The following OPHN1 variants were observed in gnomAD, a reference collection of about 807,000 sequenced individuals.
The protein encoded by OPHN1 is oligophrenin-1.
Under a neutral mutation model 60.7 loss-of-function variants are expected in OPHN1, and 11 were observed. The observed-to-expected ratio is 0.18, with a 90% CI of 0.11 to 0.30. The LOEUF is 0.30. Among genes scored for constraint, OPHN1 ranks in the 10% least tolerant of loss-of-function variants. OPHN1 has a pLI of 1.00. For missense variants in OPHN1, 449 were observed against 611.0 expected (o/e 0.73, Z 2.80); for synonymous variants, 226 against 222.6 (o/e 1.02, Z -0.14).
chrX:68,139,787 A>G (rs1029659559), intron 15 of OPHN1, among the ~76,000 whole-genome samples: 2 of 112,744 alleles, frequency 1.8e-5, no homozygotes, highest in African/African-American at 3.2e-5. Context: ...CATGTTGGCT[A>G]CCTGCAGTCC....
chrX:68,218,233 A>G (rs1158026002), intron 6 of OPHN1, among the ~76,000 whole-genome samples: 1 of 107,769 alleles, frequency 9.3e-6, no homozygotes, highest in East Asian at 2.9e-4. Flanking sequence ...TAGAGAAAAA[A>G]GAATAAAAAG....
chrX:68,433,091 G>C, intron 1 of OPHN1, 67 bp from the exon 2 acceptor site: 2 of 1,044,653 alleles, frequency 1.9e-6, no homozygotes, highest in Non-Finnish European at 1.3e-6. Flanking sequence ...GCACAGTAGA[G>C]GAAGTAGAGG....
chrX:68,217,079 C>T (rs909093377), intron 6 of OPHN1, among the ~76,000 whole-genome samples: 2 of 111,464 alleles, frequency 1.8e-5, no homozygotes, highest in South Asian at 3.8e-4. Flanking sequence ...GCGCACCGTG[C>T]GCGAGCCGAA....
chrX:68,179,109 T>C (rs1426388745), intron 15 of OPHN1, among the ~76,000 whole-genome samples: 1 of 112,068 alleles, frequency 8.9e-6, no homozygotes, highest in East Asian at 2.8e-4. Flanking sequence ...GTATTTTATG[T>C]TTGGTTAATT....
intron 18 of OPHN1, among the ~76,000 whole-genome samples, chrX:68,107,701 C>T (rs752420333): frequency 1.8e-5 from 2 of 110,962 alleles, no homozygotes; most frequent in African/African-American, 6.6e-5. Context: ...GTCTCGAACT[C>T]GTTACCTCAG....
chrX:68,083,173 C>T (rs906541048), intron 19 of OPHN1, among the ~76,000 whole-genome samples: 18 of 95,454 alleles, frequency 1.9e-4, no homozygotes, highest in Admixed American at 1.9e-3. Flanking sequence ...CCCGGGTTCA[C>T]GCCATTCTCC....
intron 15 of OPHN1, among the ~76,000 whole-genome samples, chrX:68,166,127 T>C (rs1309404444): frequency 8.9e-6 from 1 of 112,538 alleles, no homozygotes; most frequent in Admixed American, 9.4e-5. Flanking sequence ...GGTAAAAATC[T>C]TTCAGATGTT....
At chrX:68,047,938 G>A (rs2076837643) in intron 24 of OPHN1, among the ~76,000 whole-genome samples, 1 of 111,837 alleles carries the variant, frequency 8.9e-6, no homozygotes, top group Non-Finnish European at 1.9e-5. Context: ...ATAATGATTT[G>A]GTCTGCAGGA....
chrX:68,311,084 G>A (rs2147644699), intron 2 of OPHN1, among the ~76,000 whole-genome samples: 1 of 108,830 alleles, frequency 9.2e-6, no homozygotes, highest in African/African-American at 3.5e-5. Context: ...GTGAGAAGTT[G>A]TCTCTACCCC....
At chrX:68,206,145 T>A (rs904298467) in intron 10 of OPHN1, among the ~76,000 whole-genome samples, 19 of 111,332 alleles carry the variant, frequency 1.7e-4, no homozygotes, top group African/African-American at 5.6e-4. Flanking sequence ...GATATTTGAG[T>A]AGTACATAGA....
intron 6 of OPHN1, among the ~76,000 whole-genome samples, chrX:68,224,412 A>G (rs1377919870): frequency 1.8e-5 from 2 of 111,685 alleles, no homozygotes; most frequent in African/African-American, 6.5e-5. Flanking sequence ...AATCTCAGCA[A>G]TTTAGGAGGG....
intron 15 of OPHN1, among the ~76,000 whole-genome samples, chrX:68,187,410 G>A (rs1419087074): frequency 1.8e-5 from 2 of 109,066 alleles, no homozygotes; most frequent in Non-Finnish European, 3.8e-5. Context: ...CAGAGTGATG[G>A]CAGCATGAGA....
At chrX:68,184,988 C>G (rs1421220616) in intron 15 of OPHN1, among the ~76,000 whole-genome samples, 1 of 112,384 alleles carries the variant, frequency 8.9e-6, no homozygotes, top group Non-Finnish European at 1.9e-5. Flanking sequence ...AACATGCCCT[C>G]CAACAGAGAA....
chrX:68,402,375 G>A (rs1398518753), intron 2 of OPHN1, among the ~76,000 whole-genome samples: 1 of 80,849 alleles, frequency 1.2e-5, no homozygotes, highest in Non-Finnish European at 2.7e-5. Flanking sequence ...AGAAGAAGAA[G>A]AAGAAGAGAG....
Position 68,274,770 on chromosome X carries a change from T to G in OPHN1, c.352A>C (p.Asn118His). The change falls in exon 5 of 25, where the codon AAT becomes CAT. Residue 118 changes from asparagine (N) to histidine (H), a missense_variant. Asn to His is a moderately conservative substitution (Grantham distance 68). Transcript: ENST00000355520. ...AAGCCTATTTGTTCCTTCCGGAAAT[T>G]TTCCAAGGGTTTAATCAGCAAATCA... ...ASDLLIKPLE[N>H]FRKEQIGFTK... The G allele has an allele frequency of 8.3e-7, 1 of 1,205,843 alleles. No individual in the cohort carries two copies. The highest frequency in any genetic ancestry group is 1.1e-6 in the Non-Finnish European group (1 of 890,811).
At chrX:68,107,975 T>C (rs903835315) in intron 18 of OPHN1, among the ~76,000 whole-genome samples, 5 of 112,395 alleles carry the variant, frequency 4.4e-5, no homozygotes, top group Non-Finnish European at 9.4e-5. Flanking sequence ...ATCACTTAGA[T>C]TGCAAACTAA....
chrX:68,130,463 C>T (rs1001540289), intron 15 of OPHN1, among the ~76,000 whole-genome samples: 4 of 111,274 alleles, frequency 3.6e-5, no homozygotes, highest in Non-Finnish European at 3.8e-5. Flanking sequence ...TGCACAAATA[C>T]GTCATCACAT....
chrX:68,228,805 T>G (rs1166215067), intron 6 of OPHN1, among the ~76,000 whole-genome samples: 5 of 110,695 alleles, frequency 4.5e-5, no homozygotes, highest in Non-Finnish European at 9.4e-5. Context: ...AGCCAATATC[T>G]CACTGAATGG....
At chrX:68,125,954 T>TATATATATATATATATATATACAC (rs1262640434) in intron 15 of OPHN1, among the ~76,000 whole-genome samples, 3 of 55,824 alleles carry the variant, frequency 5.4e-5, no homozygotes, top group South Asian at 1.4e-3. Context: ...TATATATATA[T>TATATATATATATATATATATACAC]ATACATACAC....
Sources: gnomAD v4.1 joint callset for allele counts (sites outside exome capture counted in the v4.1 genomes callset) on GRCh38, gnomAD v4.1.1 for gene constraint, MANE v1.5 for transcripts, NCBI Gene and HGNC (gene_info 2026-07-23, HGNC 2026-07-21) for gene names.